The following WWOX variants were observed in gnomAD, a reference collection of about 807,000 sequenced individuals.
WWOX encodes WW domain containing oxidoreductase, also known as WW domain-containing oxidoreductase.
Under a neutral mutation model 46.2 loss-of-function variants are expected in WWOX, and 69 were observed. That is an observed-to-expected ratio of 1.49 (90% CI 1.23 to 1.82). The LOEUF is 1.82. WWOX is among the 40% of genes most tolerant of loss of function. WWOX has a pLI of 0.00. For synonymous variants in WWOX, 359 were observed against 202.6 expected (o/e 1.77, Z -6.56); for missense variants, 919 against 542.6 (o/e 1.69, Z -6.89).
intron 4 of WWOX, among the ~76,000 whole-genome samples, chr16:78,128,158 A>T (rs2033438139): frequency 6.6e-6 from 1 of 152,182 alleles, no homozygotes; most frequent in Non-Finnish European, 1.5e-5. Flanking sequence ...TTAATTCCTT[A>T]ATGGAAAGAA....
At chr16:78,312,434 A>G (rs538362484) in intron 5 of WWOX, among the ~76,000 whole-genome samples, 9 of 143,562 alleles carry the variant, frequency 6.3e-5, no homozygotes, top group African/African-American at 1.0e-4. Flanking sequence ...CTGGAGTGCA[A>G]TGGCATGATT....
At chr16:78,853,757 C>G (rs1043946977) in intron 8 of WWOX, among the ~76,000 whole-genome samples, 1 of 152,072 alleles carries the variant, frequency 6.6e-6, no homozygotes, top group African/African-American at 2.4e-5. Context: ...AAGCATGTAT[C>G]TACATCCCAG....
intron 4 of WWOX, among the ~76,000 whole-genome samples, chr16:78,157,159 C>A (rs923952084): frequency 1.3e-5 from 2 of 152,090 alleles, no homozygotes; most frequent in Admixed American, 6.5e-5. Flanking sequence ...AAGGGACCCA[C>A]AGTCCACCAT....
chr16:78,731,770 T>C (rs773246522), intron 8 of WWOX, among the ~76,000 whole-genome samples: 2 of 151,922 alleles, frequency 1.3e-5, no homozygotes, highest in Non-Finnish European at 2.9e-5. Context: ...ATGAATCCAC[T>C]CTGCAGTTGT....
intron 8 of WWOX, among the ~76,000 whole-genome samples, chr16:78,581,958 A>G (rs778741358): frequency 6.6e-6 from 1 of 152,218 alleles, no homozygotes; most frequent in Non-Finnish European, 1.5e-5. Context: ...CATCTGTGAA[A>G]ATTGACAAAT....
At chr16:78,834,935 C>T (rs559315661) in intron 8 of WWOX, among the ~76,000 whole-genome samples, 2 of 152,210 alleles carry the variant, frequency 1.3e-5, no homozygotes, top group Admixed American at 6.5e-5. Context: ...ATTAGCAGTT[C>T]GTAATTATTG....
At chr16:78,845,660 T>A (rs2052279236) in intron 8 of WWOX, among the ~76,000 whole-genome samples, 1 of 152,186 alleles carries the variant, frequency 6.6e-6, no homozygotes, top group Admixed American at 6.5e-5. Flanking sequence ...CAAGCTATGA[T>A]TAAGTAAGTA....
At chr16:78,310,721 G>C (rs979720552) in intron 5 of WWOX, among the ~76,000 whole-genome samples, 1 of 152,190 alleles carries the variant, frequency 6.6e-6, no homozygotes, top group Non-Finnish European at 1.5e-5. Context: ...CATTAGCAAG[G>C]GTAAGGCTTG....
chr16:79,014,329 A>C (rs1704294546), intron 8 of WWOX, among the ~76,000 whole-genome samples: 1 of 152,152 alleles, frequency 6.6e-6, no homozygotes, highest in South Asian at 2.1e-4. Flanking sequence ...TTCTGCTGGC[A>C]GTCGGGCAGT....
chr16:78,299,378 CATTT>C (rs1248009539), intron 5 of WWOX, among the ~76,000 whole-genome samples: 2 of 152,150 alleles, frequency 1.3e-5, no homozygotes, highest in East Asian at 3.9e-4. Context: ...TGATTACCTA[CATTT>C]ATTAATGAAA....
chr16:79,193,906 A>G (rs994521286), intron 8 of WWOX, among the ~76,000 whole-genome samples: 1 of 152,182 alleles, frequency 6.6e-6, no homozygotes, highest in Non-Finnish European at 1.5e-5. Context: ...CTTCTGTACA[A>G]CATGGCCTTT....
At chr16:78,176,916 T>C (rs2151749035) in intron 5 of WWOX, among the ~76,000 whole-genome samples, 1 of 152,346 alleles carries the variant, frequency 6.6e-6, no homozygotes, top group Non-Finnish European at 1.5e-5. Context: ...TTGTGGTCTC[T>C]AATGCTGCAG....
chr16:78,293,273 T>C (rs1236933534), intron 5 of WWOX, among the ~76,000 whole-genome samples: 1 of 152,146 alleles, frequency 6.6e-6, no homozygotes, highest in Non-Finnish European at 1.5e-5. Context: ...AGGAGGATAT[T>C]TGTAAATCTC....
At chr16:78,531,256 G>A (rs1408484904) in intron 8 of WWOX, among the ~76,000 whole-genome samples, 2 of 152,178 alleles carry the variant, frequency 1.3e-5, no homozygotes, top group Non-Finnish European at 2.9e-5. Flanking sequence ...GGGACAGTGA[G>A]AGCGAGGAAG....
At chr16:78,736,733 G>A (rs2049101017) in intron 8 of WWOX, among the ~76,000 whole-genome samples, 1 of 152,028 alleles carries the variant, frequency 6.6e-6, no homozygotes, top group Non-Finnish European at 1.5e-5. Context: ...GAGTAGGGAG[G>A]GCACTACAGG....
intron 8 of WWOX, among the ~76,000 whole-genome samples, chr16:78,710,377 C>G (rs903521407): frequency 2.0e-5 from 3 of 149,738 alleles, no homozygotes; most frequent in Non-Finnish European, 4.4e-5. Flanking sequence ...CGCACTAACC[C>G]TCCAGAGCCT....
intron 8 of WWOX, among the ~76,000 whole-genome samples, chr16:78,821,561 C>A (rs1034275403): frequency 6.6e-6 from 1 of 152,186 alleles, no homozygotes; most frequent in Non-Finnish European, 1.5e-5. Flanking sequence ...CCAACAGTGT[C>A]CCAGGGTCAA....
At chr16:78,547,039 G>T (rs1299075134) in intron 8 of WWOX, among the ~76,000 whole-genome samples, 1 of 149,362 alleles carries the variant, frequency 6.7e-6, no homozygotes, top group Non-Finnish European at 1.5e-5. Flanking sequence ...GAGGTTCGAG[G>T]GTTGCTTGAG....
At chr16:78,889,750 T>C (rs1159363840) in intron 8 of WWOX, among the ~76,000 whole-genome samples, 1 of 152,174 alleles carries the variant, frequency 6.6e-6, no homozygotes, top group Non-Finnish European at 1.5e-5. Context: ...TGCGATATAG[T>C]TCCCTATTTT....
Sources: allele counts gnomAD v4.1 joint callset (sites outside exome capture counted in the v4.1 genomes callset), GRCh38; gene constraint gnomAD v4.1.1; transcripts MANE v1.5; gene names NCBI Gene and HGNC (gene_info 2026-07-23, HGNC 2026-07-21).